The following SLC25A21 variants were observed in gnomAD, a reference collection of about 807,000 sequenced individuals.
SLC25A21 encodes solute carrier family 25 member 21.
SLC25A21 carries 47 observed loss-of-function variants against 43.8 expected under a neutral mutation model. The ratio of observed to expected loss-of-function variants is 1.07; its 90% CI spans 0.85 to 1.37. The LOEUF is 1.37. Ranked by LOEUF, SLC25A21 falls within the 40% of genes most tolerant of loss-of-function variation. The probability of loss-of-function intolerance (pLI) is 0.00; values close to 1 mark genes in which losing one functional copy is unlikely to be tolerated. For synonymous variants in SLC25A21, 131 were observed against 121.3 expected (o/e 1.08, Z -0.52); for missense variants, 352 against 350.2 (o/e 1.00, Z -0.04).
chr14:37,151,418 T>C (rs1012703174), intron 1 of SLC25A21, among the ~76,000 whole-genome samples: 2 of 152,244 alleles, frequency 1.3e-5, no homozygotes, highest in Non-Finnish European at 2.9e-5. Context: ...CTGGTTAATA[T>C]GGAGAATTTC....
At chr14:36,773,691 T>G (rs1006528557) in intron 3 of SLC25A21, among the ~76,000 whole-genome samples, 10 of 152,220 alleles carry the variant, frequency 6.6e-5, no homozygotes, top group Admixed American at 5.2e-4. Flanking sequence ...AGTGCAGTTT[T>G]GCTTAATCCT....
chr14:36,695,754 T>A (rs1259983595), intron 7 of SLC25A21, among the ~76,000 whole-genome samples: 2 of 152,238 alleles, frequency 1.3e-5, no homozygotes, highest in East Asian at 3.8e-4. Flanking sequence ...TGCACATTGA[T>A]TTTGTATCCT....
chr14:36,718,782 T>G (rs1344313913), intron 6 of SLC25A21, among the ~76,000 whole-genome samples: 1 of 152,190 alleles, frequency 6.6e-6, no homozygotes, highest in African/African-American at 2.4e-5. Flanking sequence ...CTTTAAAGAT[T>G]TTCCCATCAG....
chr14:36,833,520 T>C (rs1187292203), intron 2 of SLC25A21, among the ~76,000 whole-genome samples: 2 of 152,202 alleles, frequency 1.3e-5, no homozygotes, highest in Non-Finnish European at 2.9e-5. Flanking sequence ...ACCTGTAGAC[T>C]CAAACAGAAG....
chr14:36,962,122 C>T (rs762694890), intron 1 of SLC25A21, among the ~76,000 whole-genome samples: 4 of 152,192 alleles, frequency 2.6e-5, no homozygotes, highest in Non-Finnish European at 5.9e-5. Flanking sequence ...TCATTTTCCT[C>T]ACATATAAAT....
chr14:37,124,822 G>C (rs769442169), intron 1 of SLC25A21, among the ~76,000 whole-genome samples: 1 of 152,108 alleles, frequency 6.6e-6, no homozygotes, highest in Non-Finnish European at 1.5e-5. Flanking sequence ...TTATTTAAAA[G>C]TGTGTGGCGC....
rs757711209 is a variant in SLC25A21, at chr14:36,697,738, C to CTTTTTTT, written c.604-12820_604-12814dup. ...TCTGAGACTAGGATTGCAAGCCCTA[C>CTTTTTTT]TTTTTTTTTTTGCTTTCCATTTGCT... On this transcript the variant is annotated intron_variant, in intron 7 of 9. Transcript: ENST00000331299. Among the ~76,000 whole-genome samples, 63 of 111,662 alleles carry CTTTTTTT rather than the reference C, an allele frequency of 5.6e-4. 1 individual carries two copies. Among genetic ancestry groups the CTTTTTTT allele is most frequent in the African/African-American group, 1.6e-3 (47 of 29,154 alleles). The allele number at this position is 111,662 out of a possible 152,430, so 73.3% of individuals were successfully genotyped here. A position where few individuals can be genotyped will look rare whatever the true frequency, so the allele number is the denominator to read the frequency against.
At chr14:37,062,789 G>A (rs915255891) in intron 1 of SLC25A21, among the ~76,000 whole-genome samples, 4 of 152,146 alleles carry the variant, frequency 2.6e-5, no homozygotes, top group African/African-American at 9.7e-5. Flanking sequence ...TGATAAGTGG[G>A]CTGGTGTAAT....
chr14:36,687,723 C>T (rs1168834183), intron 7 of SLC25A21, among the ~76,000 whole-genome samples: 7 of 152,170 alleles, frequency 4.6e-5, no homozygotes, highest in South Asian at 4.1e-4. Context: ...TAGCCATCCT[C>T]GCATGAATGC....
chr14:37,101,920 TTG>T (rs1481267923), intron 1 of SLC25A21, among the ~76,000 whole-genome samples: 1 of 152,200 alleles, frequency 6.6e-6, no homozygotes, highest in Non-Finnish European at 1.5e-5. Flanking sequence ...TAAATGCATT[TTG>T]TGATTCCCCT....
intron 1 of SLC25A21, among the ~76,000 whole-genome samples, chr14:36,968,323 C>A (rs17767344): frequency 0.083 from 12,631 of 152,234 alleles, 678 homozygotes; most frequent in South Asian, 0.16. Context: ...GTGGGAGGTC[C>A]TGCTGATTGA....
intron 3 of SLC25A21, among the ~76,000 whole-genome samples, chr14:36,769,036 C>T (rs948668415): frequency 3.9e-5 from 6 of 152,004 alleles, no homozygotes; most frequent in African/African-American, 1.2e-4. Flanking sequence ...AACTCATGTG[C>T]TAGACTGTCT....
At chr14:36,810,718 G>A (rs1018295343) in intron 3 of SLC25A21, among the ~76,000 whole-genome samples, 1 of 152,114 alleles carries the variant, frequency 6.6e-6, no homozygotes, top group African/African-American at 2.4e-5. Context: ...CATACTTACT[G>A]AGTGTCTCTA....
chr14:36,865,801 G>C (rs903275411), intron 2 of SLC25A21, among the ~76,000 whole-genome samples: 30 of 152,180 alleles, frequency 2.0e-4, no homozygotes, highest in Non-Finnish European at 4.4e-5. Flanking sequence ...CACCAATAGA[G>C]AGTGTAAATC....
At chr14:36,819,909 A>G (rs1291705306) in intron 2 of SLC25A21, among the ~76,000 whole-genome samples, 1 of 152,218 alleles carries the variant, frequency 6.6e-6, no homozygotes, top group Non-Finnish European at 1.5e-5. Flanking sequence ...TAACTTATAT[A>G]TTCCTATCTT....
At chr14:36,936,906 C>T (rs1182079876) in intron 1 of SLC25A21, among the ~76,000 whole-genome samples, 3 of 152,240 alleles carry the variant, frequency 2.0e-5, no homozygotes, top group Admixed American at 1.3e-4. Flanking sequence ...CACTTTGCTG[C>T]GTGTATTCCT....
intron 3 of SLC25A21, among the ~76,000 whole-genome samples, chr14:36,772,576 A>T (rs1204274666): frequency 2.6e-5 from 4 of 152,196 alleles, no homozygotes; most frequent in East Asian, 3.8e-4. Context: ...AACAAAAAAA[A>T]TCTGATTGGA....
chr14:37,054,485 G>A (rs1045226186), intron 1 of SLC25A21, among the ~76,000 whole-genome samples: 1 of 152,144 alleles, frequency 6.6e-6, no homozygotes, highest in African/African-American at 2.4e-5. Flanking sequence ...TTTGTATCTG[G>A]AAATAGAGTT....
chr14:37,162,116 G>A (rs1963954560), intron 1 of SLC25A21, among the ~76,000 whole-genome samples: 1 of 152,116 alleles, frequency 6.6e-6, no homozygotes, highest in Non-Finnish European at 1.5e-5. Context: ...GAAGCTAGGA[G>A]AGAGGTGTGG....
Sources: gnomAD v4.1 joint callset for allele counts (sites outside exome capture counted in the v4.1 genomes callset) on GRCh38, gnomAD v4.1.1 for gene constraint, MANE v1.5 for transcripts, NCBI Gene and HGNC (gene_info 2026-07-23, HGNC 2026-07-21) for gene names.